The following PRDM15 variants were observed in gnomAD, a reference collection of about 807,000 sequenced individuals.
The protein encoded by PRDM15 is PR/SET domain 15, also known as PR domain zinc finger protein 15.
A neutral mutation model predicts 128.6 loss-of-function variants in PRDM15; 64 were observed. That is an observed-to-expected ratio of 0.50 (90% CI 0.41 to 0.61). PRDM15 has a LOEUF of 0.61. PRDM15 is among the 20% of genes least tolerant of loss of function. PRDM15 has a pLI of 0.00. For synonymous variants in PRDM15, 615 were observed against 621.8 expected (o/e 0.99, Z 0.16); for missense variants, 1,242 against 1,569.1 (o/e 0.79, Z 3.52).
chr21:41,855,833 T>C (rs968785928), intron 4 of PRDM15, among the ~76,000 whole-genome samples: 1 of 152,178 alleles, frequency 6.6e-6, no homozygotes, highest in Non-Finnish European at 1.5e-5. Flanking sequence ...GCCAACGGCC[T>C]TTCTGAGGCT....
chr21:41,834,491 C>T (rs1174015606), intron 11 of PRDM15: 6 of 1,549,078 alleles, frequency 3.9e-6, no homozygotes, highest in African/African-American at 1.4e-5. Context: ...ACGGGGTGGG[C>T]GTCGAAGGCT....
In PRDM15 at chr21:41,815,237, G is replaced by A. The variant is rs899444497; in HGVS notation, c.2392+468C>T. Among the ~76,000 whole-genome samples the A allele has an allele frequency of 9.8e-5, 15 of 152,340 alleles. 2 individuals carry two copies. Among genetic ancestry groups the A allele is most frequent in the South Asian group, 6.2e-4 (3 of 4,828 alleles). Reference sequence around the variant, plus strand: ...CCGACTCCTTTCTATGCACATCAGCGTAGTACACACATCACCCGAGCGGAC... The same window carrying A: ...CCGACTCCTTTCTATGCACATCAGCATAGTACACACATCACCCGAGCGGAC... On this transcript the variant is annotated intron_variant, in intron 19 of 23. Transcript: ENST00000398548.
intron 1 of PRDM15, among the ~76,000 whole-genome samples, chr21:41,861,315 G>A (rs1206932754): frequency 6.6e-6 from 1 of 152,144 alleles, no homozygotes; most frequent in East Asian, 1.9e-4. Flanking sequence ...ATCCATCCTT[G>A]AGGTTCACCT....
chr21:41,848,500 G>A (rs117684124), intron 5 of PRDM15, among the ~76,000 whole-genome samples: 42 of 152,328 alleles, frequency 2.8e-4, no homozygotes, highest in Non-Finnish European at 4.6e-4. Flanking sequence ...CTGAGAATCC[G>A]CTGCTTGAAG....
In PRDM15 at chr21:41,800,038, A is replaced by G. The variant is rs1246288809; in HGVS notation, c.*1202T>C. ...AGTTTTAGGGGCAATTAATGCTTCT[A>G]TTAGTGAACTAACCTCTCTGCTTTC... On this transcript the variant is annotated 3_prime_UTR_variant, in exon 24 of 24. Transcript: ENST00000398548. 6.6e-6 allele frequency: 1 copy of G among 152,220 alleles called. No individual in the cohort carries two copies. The highest frequency in any genetic ancestry group is 1.5e-5 in the Non-Finnish European group (1 of 68,032). The allele number at this position is 152,220 out of a possible 1,614,324, so 9.4% of individuals were successfully genotyped here. A position where few individuals can be genotyped will look rare whatever the true frequency, so the allele number is the denominator to read the frequency against.
intron 13 of PRDM15, 106 bp from the exon 14 acceptor site, chr21:41,823,555 G>T: frequency 8.2e-7 from 1 of 1,222,476 alleles, no homozygotes; most frequent in Non-Finnish European, 1.1e-6. Flanking sequence ...CGGAAACACA[G>T]CACTGTGCTC....
At chr21:41,865,901 T>C (rs2063992255) in intron 1 of PRDM15, among the ~76,000 whole-genome samples, 1 of 152,124 alleles carries the variant, frequency 6.6e-6, no homozygotes. Context: ...CGCACCACCA[T>C]GCCCAGCTAA....
intron 5 of PRDM15, among the ~76,000 whole-genome samples, chr21:41,848,578 C>T (rs756636542): frequency 2.6e-5 from 4 of 152,180 alleles, no homozygotes; most frequent in Non-Finnish European, 4.4e-5. Context: ...CCTTCCCAAA[C>T]ATACACGGGT....
In PRDM15 at chr21:41,851,794, A is replaced by G. The variant is rs552998127; in HGVS notation, c.538+2772T>C. On this transcript the variant is annotated intron_variant, in intron 5 of 23. Coordinates refer to ENST00000398548, the MANE Select transcript of PRDM15 (RefSeq NM_001040424.3). ...GCCAGTGAGTGGAATCGCCATGTTC[A>G]CTACCTCTCCAGAAATAACTGCTTG... Among the ~76,000 whole-genome samples the G allele has an allele frequency of 5.3e-5, 8 of 152,304 alleles. 1 individual carries two copies. The highest frequency in any genetic ancestry group is 1.9e-4 in the African/African-American group (8 of 41,580).
chr21:41,876,639 A>G (rs1227306613), intron 1 of PRDM15, among the ~76,000 whole-genome samples: 1 of 152,074 alleles, frequency 6.6e-6, no homozygotes, highest in Non-Finnish European at 1.5e-5. Context: ...CCTTTTGAGG[A>G]GCGGACGTGG....
At chr21:41,861,957 G>A in intron 1 of PRDM15, 1 of 1,614,038 alleles carries the variant, frequency 6.2e-7, no homozygotes, top group Non-Finnish European at 8.5e-7. Flanking sequence ...TGCGGCTCTA[G>A]CAAGTGTGAC....
In PRDM15 at chr21:41,801,394, A is replaced by G. The variant is rs750845569; in HGVS notation, c.3272T>C (p.Leu1091Pro). The change falls in exon 24 of 24, where the codon CTG becomes CCG. Residue 1091 changes from leucine (L) to proline (P), a missense_variant. Physicochemically the swap from Leu to Pro is moderately conservative, Grantham distance 98 (BLOSUM62 -3). Coordinates refer to ENST00000398548, the MANE Select transcript of PRDM15 (RefSeq NM_001040424.3). Reference protein sequence around the residue: ...LTTLVNSITPLGSQLSDQHPL... With the variant: ...LTTLVNSITPPGSQLSDQHPL... ...GTGCTGGTCACTAAGCTGGCTCCCC[A>G]GGGGCGTGATGGAGTTGACCAGGGT... 1 of 1,613,494 alleles carries G rather than the reference A, an allele frequency of 6.2e-7. No individual in the cohort carries two copies. The highest frequency in any genetic ancestry group is 8.5e-7 in the Non-Finnish European group (1 of 1,179,498).
At chr21:41,852,185 A>G (rs2063449197) in intron 5 of PRDM15, among the ~76,000 whole-genome samples, 1 of 152,250 alleles carries the variant, frequency 6.6e-6, no homozygotes, top group Non-Finnish European at 1.5e-5. Flanking sequence ...AAGGCGTGGC[A>G]ACCTTTGCTT....
At position 41,810,482 on chromosome 21, in the gene PRDM15, A is replaced by C; in HGVS notation, c.2477-153T>G. On this transcript the variant is annotated intron_variant, in intron 20 of 23. Coordinates refer to ENST00000398548, the MANE Select transcript of PRDM15 (RefSeq NM_001040424.3). The surrounding 1 kb of genome is among the most constrained non-coding windows in gnomAD (Gnocchi z 6.4). ...AGAGGGCCGGTGCTGGTCCCCGAGC[A>C]CACATGAGCACAGAGCCTCTGTCCC... 3 of 785,284 alleles carry C rather than the reference A, an allele frequency of 3.8e-6. No individual in the cohort carries two copies. The highest frequency in any genetic ancestry group is 5.4e-5 in the East Asian group (2 of 37,158). 48.6% of individuals were successfully genotyped at this position (785,284 alleles called of 1,614,324 possible).
chr21:41,863,171 A>C (rs1032306303), intron 1 of PRDM15: 8 of 148,682 alleles, frequency 5.4e-5, no homozygotes, highest in African/African-American at 1.8e-4. Flanking sequence ...TCCACCTCAA[A>C]AAGAAAAAAA....
At chr21:41,869,438 T>C (rs549181378) in intron 1 of PRDM15, among the ~76,000 whole-genome samples, 1,464 of 140,036 alleles carry the variant, frequency 0.01, 20 homozygotes, top group African/African-American at 0.035. Flanking sequence ...CATCACCGGC[T>C]ATTTTTTTTT....
At chr21:41,836,739 T>C (rs2062909895) in intron 8 of PRDM15, 90 bp from the exon 9 acceptor site, 2 of 1,092,226 alleles carry the variant, frequency 1.8e-6, no homozygotes, top group Admixed American at 2.1e-5. Context: ...CTTCCAAAAC[T>C]TCCCAGCTAA....
rs1050963003 is a variant in PRDM15 at position 41,810,590 on chromosome 21, T to C, written c.2476+163A>G. ...AGGGATACTTGAAAGCTGTGGCGGGTTGACCTTCAGAGGCCAAGGGGCCAC... is the reference window on the plus strand; with the variant it reads ...AGGGATACTTGAAAGCTGTGGCGGGCTGACCTTCAGAGGCCAAGGGGCCAC... On this transcript the variant is annotated intron_variant, in intron 20 of 23. Transcript: ENST00000398548. This position sits in a 1 kb window ranked among gnomAD's most constrained non-coding sequence, Gnocchi z 6.4. 4.6e-6 allele frequency: 3 copies of C among 650,138 alleles called. No homozygotes were observed. The highest frequency in any genetic ancestry group is 3.6e-5 in the African/African-American group (2 of 54,816). 40.3% of individuals were successfully genotyped at this position (650,138 alleles called of 1,614,324 possible). A position where few individuals can be genotyped will look rare whatever the true frequency, so the allele number is the denominator to read the frequency against.
At position 41,801,577 on chromosome 21, in the gene PRDM15, G is replaced by A. The variant is rs1201594533; in HGVS notation, c.3089C>T (p.Pro1030Leu). 1 of 1,614,118 alleles carries A rather than the reference G, an allele frequency of 6.2e-7. No homozygotes were observed. The highest frequency in any genetic ancestry group is 1.3e-5 in the African/African-American group (1 of 74,932). ...GTTGTCCAGCTGTAACTGGCGTTCA[G>A]GGGTGGTAAGGTGCCCCACGGCCAC... ...QPVAVGHLTT[P>L]ERQLQLDNSI... Residue 1030 changes from proline to leucine, a missense_variant, in exon 24 of 24, where the codon CCT becomes CTT. By Grantham distance (98) the Pro-to-Leu change is moderately conservative. Coordinates refer to ENST00000398548, the MANE Select transcript of PRDM15 (RefSeq NM_001040424.3).
Sources: allele counts gnomAD v4.1 joint callset (sites outside exome capture counted in the v4.1 genomes callset), GRCh38; gene constraint gnomAD v4.1.1; non-coding constraint Gnocchi (gnomAD v3.1); transcripts MANE v1.5; gene names NCBI Gene and HGNC (gene_info 2026-07-23, HGNC 2026-07-21).